Variants in LRP1B observed in about 807,000 individuals in gnomAD.
The protein encoded by LRP1B is LDL receptor related protein 1B, also known as low-density lipoprotein receptor-related protein 1B.
In LRP1B, 217 loss-of-function variants were observed where a neutral mutation model predicts 556.6. The ratio of observed to expected loss-of-function variants is 0.39; its 90% CI spans 0.35 to 0.44. LRP1B has a LOEUF of 0.44. Ranked by LOEUF, LRP1B falls within the 20% of genes least tolerant of loss-of-function variation. The pLI is 1.00. For synonymous variants in LRP1B, 2,047 were observed against 1,865.8 expected (o/e 1.10, Z -2.50); for missense variants, 5,053 against 5,620.8 (o/e 0.90, Z 3.23).
chr2:141,544,624 T>C (rs1296763179), intron 2 of LRP1B, among the ~76,000 whole-genome samples: 1 of 151,700 alleles, frequency 6.6e-6, no homozygotes, highest in Non-Finnish European at 1.5e-5. Context: ...CCACACACTT[T>C]CACCTTCCTG....
intron 7 of LRP1B, among the ~76,000 whole-genome samples, chr2:141,166,489 G>C (rs1024777348): frequency 6.6e-6 from 1 of 150,936 alleles, no homozygotes; most frequent in Non-Finnish European, 1.5e-5. Flanking sequence ...CAGAGTAAAT[G>C]GGGTATCCAT....
At chr2:141,502,868 A>AC (rs1386575800) in intron 2 of LRP1B, among the ~76,000 whole-genome samples, 1 of 118,168 alleles carries the variant, frequency 8.5e-6, no homozygotes, top group Admixed American at 7.9e-5. Flanking sequence ...AAAAAATAAA[A>AC]AATAAATAAA....
intron 2 of LRP1B, among the ~76,000 whole-genome samples, chr2:141,540,233 G>T (rs1467408228): frequency 6.6e-6 from 1 of 151,474 alleles, no homozygotes. Context: ...ACACCTTAAA[G>T]AACAAAGAAG....
chr2:141,485,255 C>T (rs1257291000), intron 2 of LRP1B, among the ~76,000 whole-genome samples: 1 of 152,130 alleles, frequency 6.6e-6, no homozygotes, highest in East Asian at 1.9e-4. Context: ...ACTCATGAGA[C>T]AGCTGGATCA....
chr2:141,692,211 C>T (rs1362892183), intron 2 of LRP1B, among the ~76,000 whole-genome samples: 1 of 151,990 alleles, frequency 6.6e-6, no homozygotes, highest in Admixed American at 6.6e-5. Flanking sequence ...ATTCACTCCT[C>T]TACATAAAAT....
chr2:141,158,973 C>T (rs1028135256), intron 7 of LRP1B, among the ~76,000 whole-genome samples: 11 of 152,030 alleles, frequency 7.2e-5, no homozygotes, highest in African/African-American at 2.2e-4. Flanking sequence ...ACTCCATGTT[C>T]GTCATAAGAT....
chr2:140,994,225 T>C, intron 15 of LRP1B, 90 bp from the exon 16 acceptor site: 1 of 1,133,626 alleles, frequency 8.8e-7, no homozygotes, highest in Non-Finnish European at 1.3e-6. Flanking sequence ...TTGTTTGTTT[T>C]AGATTCTACA....
rs117868025 is a variant in LRP1B, at chr2:140,389,027, C to T, written c.10415-3018G>A. On this transcript the variant is annotated intron_variant, in intron 66 of 90. Transcript: ENST00000389484. ...TACCTCCAGAGTAATTAATATAAAACGCTCACAATATGTAATGTTTTACAT... is the reference window on the plus strand; with the variant it reads ...TACCTCCAGAGTAATTAATATAAAATGCTCACAATATGTAATGTTTTACAT... 1.6e-3 allele frequency among the ~76,000 whole-genome samples: 250 copies of T among 152,032 alleles called. 2 individuals carry two copies. Among genetic ancestry groups the T allele is most frequent in the East Asian group, 0.015 (78 of 5,170 alleles).
At chr2:141,000,302 G>C (rs773919544) in intron 15 of LRP1B, among the ~76,000 whole-genome samples, 4 of 152,134 alleles carry the variant, frequency 2.6e-5, no homozygotes, top group Non-Finnish European at 5.9e-5. Flanking sequence ...AAACACAGGT[G>C]AGCTTTGTTA....
chr2:140,796,545 C>T (rs1206827965), intron 32 of LRP1B, among the ~76,000 whole-genome samples: 1 of 152,016 alleles, frequency 6.6e-6, no homozygotes, highest in African/African-American at 2.4e-5. Context: ...CAACTATGTA[C>T]TGTACTTAGT....
chr2:140,545,934 T>C (rs1252236362), intron 43 of LRP1B, among the ~76,000 whole-genome samples: 2 of 151,928 alleles, frequency 1.3e-5, no homozygotes, highest in South Asian at 4.2e-4. Context: ...TCCGACTTCA[T>C]TGAGCAGTGT....
At chr2:140,973,050 TTTTATA>T (rs1349273495) in intron 18 of LRP1B, among the ~76,000 whole-genome samples, 7 of 40,936 alleles carry the variant, frequency 1.7e-4, no homozygotes, top group South Asian at 9.3e-4. Flanking sequence ...ATATATTTCA[TTTTATA>T]TATATATATA....
intron 84 of LRP1B, among the ~76,000 whole-genome samples, chr2:140,292,389 T>C (rs1683423279): frequency 6.6e-6 from 1 of 152,136 alleles, no homozygotes; most frequent in African/African-American, 2.4e-5. Flanking sequence ...AAAAATCTAA[T>C]AGAAACAGGA....
At chr2:140,638,762 C>A (rs913259396) in intron 41 of LRP1B, among the ~76,000 whole-genome samples, 5 of 151,298 alleles carry the variant, frequency 3.3e-5, no homozygotes, top group Non-Finnish European at 4.4e-5. Context: ...TAAGTATATA[C>A]ACACACACAC....
intron 2 of LRP1B, among the ~76,000 whole-genome samples, chr2:141,754,019 T>A (rs142629950): frequency 6.6e-6 from 1 of 152,314 alleles, no homozygotes; most frequent in East Asian, 1.9e-4. Flanking sequence ...GTCATAGCTA[T>A]CTAGTTGTAG....
Position 140,502,980 on chromosome 2 carries a change from G to T in LRP1B, c.8645C>A (p.Pro2882Gln), listed in dbSNP as rs764441931. The T allele has an allele frequency of 1.9e-6, 3 of 1,613,044 alleles. No individual in the cohort carries two copies. The highest frequency in any genetic ancestry group is 2.2e-5 in the South Asian group (2 of 91,040). The change falls in exon 54 of 91, where the codon CCA becomes CAA. Residue 2882 changes from proline (P) to glutamine (Q), a missense_variant. This residue lies in a region of LRP1B where 3,619 missense variants were observed against 3,931.9 expected (regional missense o/e 0.92). Transcript: ENST00000389484. ...TTCTGTACCTGCACTTTTACACTTT[G>T]GGTTTAAAGGTGCTTCATCAGAATG... ...PDHSDEAPLN[P>Q]KCKSAEQSCN... is the part of the protein sequence containing the mutation.
At chr2:141,171,140 G>A (rs1019105998) in intron 7 of LRP1B, among the ~76,000 whole-genome samples, 1 of 151,928 alleles carries the variant, frequency 6.6e-6, no homozygotes, top group African/African-American at 2.4e-5. Context: ...TCTTGCCTTG[G>A]TGTGTTAACA....
At chr2:141,798,178 T>A (rs11675125) in intron 2 of LRP1B, among the ~76,000 whole-genome samples, 61,681 of 151,768 alleles carry the variant, frequency 0.41, 12,742 homozygotes, top group Middle Eastern at 0.56. Context: ...TGTATAAACA[T>A]ACAAATGTAT....
chr2:141,849,617 G>T (rs933232030), intron 1 of LRP1B, among the ~76,000 whole-genome samples: 1 of 151,496 alleles, frequency 6.6e-6, no homozygotes, highest in Non-Finnish European at 1.5e-5. Context: ...AGGAAATGAG[G>T]ACTTTTACAT....
Sources: gnomAD v4.1 joint callset for allele counts (sites outside exome capture counted in the v4.1 genomes callset) on GRCh38, gnomAD v4.1.1 for gene constraint, gnomAD v4.1.1 regional missense constraint, MANE v1.5 for transcripts, NCBI Gene and HGNC (gene_info 2026-07-23, HGNC 2026-07-21) for gene names.